The following DPP7 variants were observed in gnomAD, a reference collection of about 807,000 sequenced individuals.
DPP7 encodes the protein dipeptidyl peptidase 7, also known as dipeptidyl peptidase 2.
DPP7 carries 74 observed loss-of-function variants against 58.8 expected under a neutral mutation model. The observed-to-expected ratio is 1.26, with a 90% CI of 1.04 to 1.53. DPP7 has a LOEUF of 1.53. DPP7 is among the 40% of genes most tolerant of loss of function. DPP7 has a pLI of 0.00. For synonymous variants in DPP7, 350 were observed against 303.6 expected (o/e 1.15, Z -1.59); for missense variants, 807 against 692.3 (o/e 1.17, Z -1.86).
At chr9:137,117,478 G>C (rs1337017460), upstream of DPP7, among the ~76,000 whole-genome samples, 4 of 152,214 alleles carry the variant, frequency 2.6e-5, no homozygotes, top group Non-Finnish European at 4.4e-5. Flanking sequence ...AGGGAATCCT[G>C]GGAGCCTGGC....
upstream of DPP7, among the ~76,000 whole-genome samples, chr9:137,115,831 T>C (rs891419693): frequency 1.2e-4 from 18 of 152,112 alleles, no homozygotes; most frequent in African/African-American, 3.9e-4. Flanking sequence ...ATCTGGGCCC[T>C]GTCCCATCCC....
rs756069157 is a variant in DPP7 at position 137,113,401 on chromosome 9, C to T, written c.581G>A (p.Gly194Asp). Residue 194 changes from glycine to aspartate, a missense_variant, in exon 5 of 13, where the codon GGC becomes GAC. This residue lies in a region of DPP7 where 624 missense variants were observed against 531.2 expected (regional missense o/e 1.17). Transcript: ENST00000371579. The stretch of plus-strand genomic sequence containing the variant: ...GAAGAACTGGTTGGAGTCGCCGAGG[C>T]CTGCCACAGCTAGAACGGGCGCGCT... ...AASAPVLAVA[G>D]LGDSNQFFRD... 1.9e-6 allele frequency: 3 copies of T among 1,609,768 alleles called. No individual in the cohort carries two copies. Among genetic ancestry groups the T allele is most frequent in the South Asian group, 1.1e-5 (1 of 90,982 alleles).
In DPP7 at chr9:137,113,383, T is replaced by A. The variant is rs751246663; in HGVS notation, c.599A>T (p.Gln200Leu). The A allele has an allele frequency of 8.1e-6, 13 of 1,610,068 alleles. No homozygotes were observed. The highest frequency in any genetic ancestry group is 1.1e-5 in the Non-Finnish European group (13 of 1,177,796). The change falls in exon 5 of 13, where the codon CAG (glutamine) becomes CTG (leucine). Residue 200 changes from glutamine to leucine, a missense_variant. Coordinates refer to ENST00000371579, the MANE Select transcript of DPP7 (RefSeq NM_013379.3). ...CACCGCCGTGACGTCCCGGAAGAACTGGTTGGAGTCGCCGAGGCCTGCCAC... is the reference window on the plus strand; with the variant it reads ...CACCGCCGTGACGTCCCGGAAGAACAGGTTGGAGTCGCCGAGGCCTGCCAC... Reference protein sequence around the residue: ...LAVAGLGDSNQFFRDVTADFE... With the variant: ...LAVAGLGDSNLFFRDVTADFE...
At chr9:137,114,940 C>A, upstream of DPP7, 1 of 332,420 alleles carries the variant, frequency 3.0e-6, no homozygotes, top group Non-Finnish European at 5.4e-6. Context: ...CGGGCCATCT[C>A]CGCGGCCTCC....
intron 4 of DPP7, 172 bp from the exon 5 acceptor site, chr9:137,113,668 G>A (rs1297878833): frequency 2.5e-5 from 36 of 1,425,618 alleles, no homozygotes; most frequent in Non-Finnish European, 3.2e-5. Context: ...TAGTGTGGCC[G>A]CACATCCAAG....
Position 137,113,247 on chromosome 9 carries a change from C to G in DPP7, c.662G>C (p.Arg221Pro), listed in dbSNP as rs367979568. Reference sequence around the variant, plus strand: ...GTCCTTGATCTGTCGGAACGCTTCCCGCACACCCTGGGTGCATTTGGGACT... The same window carrying G: ...GTCCTTGATCTGTCGGAACGCTTCCGGCACACCCTGGGTGCATTTGGGACT... ...GQSPKCTQGV[R>P]EAFRQIKDLF... Residue 221 changes from arginine (R) to proline (P), a missense_variant, in exon 6 of 13, where the codon CGG becomes CCG. Arg to Pro is a moderately radical substitution (Grantham distance 103, BLOSUM62 -2). Coordinates refer to ENST00000371579, the MANE Select transcript of DPP7 (RefSeq NM_013379.3). The G allele has an allele frequency of 1.2e-6, 2 of 1,613,684 alleles. No individual in the cohort carries two copies. Among genetic ancestry groups the G allele is most frequent in the Non-Finnish European group, 1.7e-6 (2 of 1,179,994 alleles).
intron 4 of DPP7, 161 bp from the exon 5 acceptor site, chr9:137,113,657 C>A: frequency 7.0e-7 from 1 of 1,427,880 alleles, no homozygotes; most frequent in Non-Finnish European, 9.1e-7. Flanking sequence ...GGAAAGGCCG[C>A]TAGTGTGGCC....
chr9:137,113,824 C>A, intron 4 of DPP7, 41 bp downstream of exon 4: 2 of 958,390 alleles, frequency 2.1e-6, no homozygotes, highest in East Asian at 6.2e-5. Context: ...TGGGTCGGGG[C>A]AGGGGAGGGA....
At position 137,110,964 on chromosome 9, in the gene DPP7, A is replaced by G. The variant is rs916025808; in HGVS notation, c.1273-14T>C. On this transcript the variant is annotated splice_polypyrimidine_tract_variant and intron_variant, in intron 11 of 12. Transcript: ENST00000371579. ...GTTCCTCCGAATCTGTGGTCAGTGGAAAGAACTCCATCAGGTGAGGAACGA... is the reference window on the plus strand; with the variant it reads ...GTTCCTCCGAATCTGTGGTCAGTGGGAAGAACTCCATCAGGTGAGGAACGA... 5.0e-6 allele frequency: 8 copies of G among 1,612,296 alleles called. No individual in the cohort carries two copies. The African/African-American group carries it at 9.3e-5, about 19-fold the overall frequency.
chr9:137,117,083 C>T (rs779575423), upstream of DPP7, among the ~76,000 whole-genome samples: 9 of 152,208 alleles, frequency 5.9e-5, no homozygotes, highest in Admixed American at 2.6e-4. Flanking sequence ...AGACCGGGGC[C>T]GGTGCGGGTC....
Position 137,112,138 on chromosome 9 carries a change from G to T in DPP7, c.1024C>A (p.Pro342Thr), listed in dbSNP as rs1333699343. ...TGGTAGTCCCAGGCCCTGGCGTCGGGGCCGGTGCCGCAGCCAGTGGGGTCA... is the reference window on the plus strand; with the variant it reads ...TGGTAGTCCCAGGCCCTGGCGTCGGTGCCGGTGCCGCAGCCAGTGGGGTCA... ...CADPTGCGTGPDARAWDYQAC... is the reference protein window; with the variant it reads ...CADPTGCGTGTDARAWDYQAC... Residue 342 changes from proline to threonine, a missense_variant, in exon 9 of 13, where the codon CCC (proline) becomes ACC (threonine). This residue lies in a region of DPP7 where 624 missense variants were observed against 531.2 expected (regional missense o/e 1.17). Coordinates refer to ENST00000371579, the MANE Select transcript of DPP7 (RefSeq NM_013379.3). 3.7e-6 allele frequency: 6 copies of T among 1,610,790 alleles called. No homozygotes were observed. In the African/African-American group the frequency reaches 8.0e-5, roughly 22 times the overall value.
rs1831381738 is a variant in DPP7, at chr9:137,111,862, C to T, written c.1207+11G>A. On this transcript the variant is annotated intron_variant, in intron 10 of 12. Coordinates refer to ENST00000371579, the MANE Select transcript of DPP7 (RefSeq NM_013379.3). ...AAAGCAGGACGCTGGCCCACCCCCC[C>T]TCAGCCTTACCACCCCCCCAGAAGC... 2 of 1,550,814 alleles carry T rather than the reference C, an allele frequency of 1.3e-6. No homozygotes were observed. The highest frequency in any genetic ancestry group is 1.8e-6 in the Non-Finnish European group (2 of 1,123,550).
In DPP7 at chr9:137,113,094, G is replaced by C. The variant is rs141137828; in HGVS notation, c.729C>G (p.Phe243Leu). The change falls in exon 7 of 13, where the codon TTC (phenylalanine) becomes TTG (leucine). Residue 243 changes from phenylalanine (F) to leucine (L), a missense_variant. By Grantham distance (22) the Phe-to-Leu change is conservative (BLOSUM62 0). Around this residue, in one of 3 missense-constraint regions of DPP7, gnomAD observed 624 missense variants for 531.2 expected, o/e 1.17. Coordinates refer to ENST00000371579, the MANE Select transcript of DPP7 (RefSeq NM_013379.3). ...CGTCTGACAGCGGCTGGCAGGTGCCGAACTCCCAGCGGACCGTGTCGTAGG... is the reference window on the plus strand; with the variant it reads ...CGTCTGACAGCGGCTGGCAGGTGCCCAACTCCCAGCGGACCGTGTCGTAGG... Reference protein sequence around the residue: ...QGAYDTVRWEFGTCQPLSDEK... With the variant: ...QGAYDTVRWELGTCQPLSDEK... 938 of 1,613,746 alleles carry C rather than the reference G, an allele frequency of 5.8e-4. 4 individuals are homozygous for C. In the African/African-American group the frequency reaches 0.011, roughly 20 times the overall value.
Position 137,110,626 on chromosome 9 carries a change from T to C in DPP7, c.*22A>G. The C allele has an allele frequency of 6.2e-7, 1 of 1,603,742 alleles. No individual in the cohort carries two copies. Among genetic ancestry groups the C allele is most frequent in the Non-Finnish European group, 8.5e-7 (1 of 1,175,680 alleles). On this transcript the variant is annotated 3_prime_UTR_variant, in exon 13 of 13. Coordinates refer to ENST00000371579, the MANE Select transcript of DPP7 (RefSeq NM_013379.3). ...GAAGCCCCCACTCCATGAGGAGCCT[T>C]GAGACCCCTCCAGTCCTGTGCTCAG...
intron 11 of DPP7, 104 bp downstream of exon 11, chr9:137,111,586 C>G: frequency 7.5e-7 from 1 of 1,337,476 alleles, no homozygotes; most frequent in South Asian, 1.3e-5. Context: ...TGCAGTGAAC[C>G]CTGATCTCGC....
At chr9:137,112,391 C>G (rs374825509) in intron 8 of DPP7, 161 bp from the exon 9 acceptor site, 5 of 663,356 alleles carry the variant, frequency 7.5e-6, no homozygotes, top group Admixed American at 2.9e-5. Flanking sequence ...GCTTGGAGGT[C>G]GGCGGTGTCT....
upstream of DPP7, among the ~76,000 whole-genome samples, chr9:137,117,458 G>A (rs1244704326): frequency 6.6e-6 from 1 of 152,226 alleles, no homozygotes; most frequent in Non-Finnish European, 1.5e-5. Context: ...GGGGTGAGAG[G>A]TCCCTGGGCA....
At chr9:137,113,750 C>T (rs1391725340) in intron 4 of DPP7, 115 bp downstream of exon 4, 1 of 1,408,264 alleles carries the variant, frequency 7.1e-7, no homozygotes, top group Non-Finnish European at 9.3e-7. Flanking sequence ...GAACCACTGC[C>T]TGAGGCCTTA....
chr9:137,112,413 C>T (rs1831416178), intron 8 of DPP7, 183 bp from the exon 9 acceptor site: 1 of 636,806 alleles, frequency 1.6e-6, no homozygotes, highest in African/African-American at 1.8e-5. Context: ...TGCTGCCAGC[C>T]CCGGGCCTGA....
Sources: allele counts gnomAD v4.1 joint callset (sites outside exome capture counted in the v4.1 genomes callset), GRCh38; gene constraint gnomAD v4.1.1; regional missense constraint gnomAD v4.1.1; transcripts MANE v1.5; gene names NCBI Gene and HGNC (gene_info 2026-07-23, HGNC 2026-07-21).